The following RP1 variants were observed in gnomAD, a reference collection of about 807,000 sequenced individuals.
RP1 encodes the protein RP1 axonemal microtubule associated.
Under a neutral mutation model 14.8 loss-of-function variants are expected in RP1, and 16 were observed. The observed-to-expected ratio is 1.08, with a 90% CI of 0.73 to 1.65. The LOEUF (loss-of-function observed/expected upper bound fraction) is 1.65. Among genes scored for constraint, RP1 ranks in the 40% most tolerant of loss-of-function variants. The probability of loss-of-function intolerance (pLI) is 0.00; values close to 1 mark genes in which losing one functional copy is unlikely to be tolerated. For missense variants in RP1, 2,631 were observed against 2,535.0 expected (o/e 1.04, Z -0.81); for synonymous variants, 876 against 883.6 (o/e 0.99, Z 0.15).
intron 2 of RP1, 47 bp from the exon 3 acceptor site, chr8:54,622,070 A>G: frequency 6.3e-7 from 1 of 1,583,842 alleles, no homozygotes; most frequent in Non-Finnish European, 8.7e-7. Flanking sequence ...ATTACCACTT[A>G]GTATAAAATG....
chr8:54,694,137 G>A (rs1439065582), intron 12 of RP1, among the ~76,000 whole-genome samples: 5 of 152,102 alleles, frequency 3.3e-5, no homozygotes, highest in Admixed American at 6.6e-5. Flanking sequence ...ATTTGCATAT[G>A]TTGAACCAGC....
chr8:54,696,573 C>T (rs1563350639), intron 12 of RP1: 2 of 730,282 alleles, frequency 2.7e-6, no homozygotes, highest in Non-Finnish European at 2.4e-6. Context: ...CTACATGACT[C>T]CTGGCAGCAG....
intron 19 of RP1, among the ~76,000 whole-genome samples, chr8:54,747,781 T>C (rs1339501598): frequency 6.6e-6 from 1 of 152,212 alleles, no homozygotes; most frequent in East Asian, 1.9e-4. Context: ...TGAGCTGAGA[T>C]TGTACCACTG....
Position 54,697,142 on chromosome 8 carries a change from A to G in RP1, c.1718-2325A>G, listed in dbSNP as rs757849945. 1.4e-5 allele frequency: 15 copies of G among 1,046,914 alleles called. No homozygotes were observed. The Middle Eastern group carries it at 8.9e-4, about 62-fold the overall frequency. 64.9% of individuals were successfully genotyped at this position (1,046,914 alleles called of 1,614,324 possible). A position where few individuals can be genotyped will look rare whatever the true frequency, so the allele number is the denominator to read the frequency against. On this transcript the variant is annotated intron_variant, in intron 12 of 22. Transcript: ENST00000636932. ...GCTCATCTAGACCTAGGTGCCGAAC[A>G]GCACTACATTTTTATCAATGAAGTG... is the stretch of plus-strand genomic sequence containing the variant.
At chr8:54,848,726 T>C (rs1378440307) in intron 25 of RP1, among the ~76,000 whole-genome samples, 1 of 152,154 alleles carries the variant, frequency 6.6e-6, no homozygotes, top group South Asian at 2.1e-4. Context: ...AACAGTTCTT[T>C]CCCAAGATGA....
chr8:54,675,235 A>G (rs886067425), intron 8 of RP1, among the ~76,000 whole-genome samples: 76 of 152,298 alleles, frequency 5.0e-4, no homozygotes, highest in African/African-American at 1.8e-3. Context: ...TTATTATAAG[A>G]TAAAGTAAAA....
At chr8:54,852,882 G>A (rs1812088462) in intron 26 of RP1, among the ~76,000 whole-genome samples, 1 of 152,174 alleles carries the variant, frequency 6.6e-6, no homozygotes, top group Non-Finnish European at 1.5e-5. Context: ...GCATGTTATT[G>A]TTCTGGAGTT....
At chr8:54,853,843 A>G (rs1447259836) in intron 26 of RP1, among the ~76,000 whole-genome samples, 1 of 150,992 alleles carries the variant, frequency 6.6e-6, no homozygotes, top group Admixed American at 6.6e-5. Flanking sequence ...AGAGAGAAAG[A>G]AAGAGAAAGG....
chr8:54,750,843 G>T (rs1018345708), intron 19 of RP1, among the ~76,000 whole-genome samples: 1 of 152,182 alleles, frequency 6.6e-6, no homozygotes, highest in Non-Finnish European at 1.5e-5. Flanking sequence ...CAATCAGCAG[G>T]ACTCTGAAAG....
intron 15 of RP1, among the ~76,000 whole-genome samples, chr8:54,715,152 G>GTAACT (rs2129348225): frequency 6.6e-6 from 1 of 152,366 alleles, no homozygotes; most frequent in East Asian, 1.9e-4. Context: ...TGGTAACTAG[G>GTAACT]AGTTGTTCTA....
chr8:54,770,240 T>C (rs1383354271), downstream of RP1: 3 of 399,012 alleles, frequency 7.5e-6, no homozygotes, highest in Non-Finnish European at 1.3e-5. Flanking sequence ...TTACCAGCCT[T>C]ACACATTTTT....
At chr8:54,754,479 T>G (rs1482201214) in intron 19 of RP1, among the ~76,000 whole-genome samples, 1 of 152,182 alleles carries the variant, frequency 6.6e-6, no homozygotes. Flanking sequence ...GGTTAAAAGA[T>G]AGTTAAAATA....
At chr8:54,659,348 T>C (rs1233921212) in intron 6 of RP1, among the ~76,000 whole-genome samples, 1 of 152,234 alleles carries the variant, frequency 6.6e-6, no homozygotes, top group Admixed American at 6.5e-5. Flanking sequence ...AGGAGTTTTA[T>C]GTATTTAGAT....
rs1378256765 is a variant in RP1, at chr8:54,641,609, A to T, written c.788-7376A>T. Among the ~76,000 whole-genome samples, 3 of 152,316 alleles carry T rather than the reference A, an allele frequency of 2.0e-5. No individual in the cohort carries two copies. In the East Asian group the frequency reaches 5.8e-4, roughly 29 times the overall value. On this transcript the variant is annotated intron_variant, in intron 3 of 22. Transcript: ENST00000636932. ...AGTTTAGAGGGCCCCAAACCATTGTATATTTAAGCTTTTTTGCCCTCCAAA... is the reference window on the plus strand; with the variant it reads ...AGTTTAGAGGGCCCCAAACCATTGTTTATTTAAGCTTTTTTGCCCTCCAAA...
downstream of RP1, among the ~76,000 whole-genome samples, chr8:54,773,823 T>C (rs1809969701): frequency 6.6e-6 from 1 of 152,190 alleles, no homozygotes; most frequent in Admixed American, 6.5e-5. Flanking sequence ...ATTTCTGACT[T>C]GAGGGATTTA....
chr8:54,773,177 C>T (rs1809950261), downstream of RP1, among the ~76,000 whole-genome samples: 1 of 152,160 alleles, frequency 6.6e-6, no homozygotes, highest in African/African-American at 2.4e-5. Context: ...TTCTCGTTTG[C>T]TGAGTGCTCA....
chr8:54,627,613 C>T lies in RP1; in HGVS notation c.3731C>T (p.Ala1244Val). The T allele has an allele frequency of 6.2e-7, 1 of 1,614,188 alleles. No individual in the cohort carries two copies. Among genetic ancestry groups the T allele is most frequent in the Non-Finnish European group, 8.5e-7 (1 of 1,179,982 alleles). The stretch of plus-strand genomic sequence containing the variant: ...GATGGAGGTTGCTCTGCCAGTGAGG[C>T]ATGTGCCCCTGAAGTCTGTGTTTTG... ...SLDGGCSASEACAPEVCVLEV... is the reference protein window; with the variant it reads ...SLDGGCSASEVCAPEVCVLEV... Residue 1244 changes from alanine to valine, a missense_variant, in exon 4 of 4, where the codon GCA becomes GTA. By Grantham distance (64) the Ala-to-Val change is moderately conservative. Transcript: ENST00000220676.
chr8:54,619,611 G>A (rs1805806763), intron 1 of RP1, among the ~76,000 whole-genome samples: 1 of 152,214 alleles, frequency 6.6e-6, no homozygotes, highest in Non-Finnish European at 1.5e-5. Context: ...TTAGTGCTTT[G>A]CTGAAAATTA....
intron 7 of RP1, among the ~76,000 whole-genome samples, chr8:54,670,671 T>A (rs542775): frequency 0.018 from 1,152 of 62,466 alleles, 77 homozygotes; most frequent in East Asian, 0.11. Context: ...ATATATGTTT[T>A]TATATATATA....
Sources: gnomAD v4.1 joint callset for allele counts (sites outside exome capture counted in the v4.1 genomes callset) on GRCh38, gnomAD v4.1.1 for gene constraint, MANE v1.5 for transcripts, NCBI Gene and HGNC (gene_info 2026-07-23, HGNC 2026-07-21) for gene names.